The following FOCAD variants were observed in gnomAD, a reference collection of about 807,000 sequenced individuals.
The protein encoded by FOCAD is KIAA1797.
A neutral mutation model predicts 225.6 loss-of-function variants in FOCAD; 198 were observed. The ratio of observed to expected loss-of-function variants is 0.88; its 90% CI spans 0.78 to 0.99. The LOEUF is 0.99. FOCAD is among the 50% of genes least tolerant of loss of function. FOCAD has a pLI of 0.00. For synonymous variants in FOCAD, 897 were observed against 755.0 expected (o/e 1.19, Z -3.08); for missense variants, 2,713 against 2,123.6 (o/e 1.28, Z -5.46).
At chr9:20,855,211 T>C (rs1828046703) in intron 15 of FOCAD, among the ~76,000 whole-genome samples, 1 of 151,630 alleles carries the variant, frequency 6.6e-6, no homozygotes, top group Non-Finnish European at 1.5e-5. Flanking sequence ...GTATAAGAAA[T>C]AGTGGTTTAA....
intron 28 of FOCAD, among the ~76,000 whole-genome samples, chr9:20,934,814 T>C (rs1000297024): frequency 6.6e-6 from 1 of 152,058 alleles, no homozygotes; most frequent in Admixed American, 6.6e-5. Flanking sequence ...CTCTTCTATA[T>C]ACCAACAGTG....
upstream of FOCAD, chr9:20,683,173 A>G (rs1822457114): frequency 6.6e-6 from 1 of 152,216 alleles, no homozygotes; most frequent in African/African-American, 2.4e-5. Context: ...ATGGGGAACC[A>G]AATTCTTCCT....
intron 22 of FOCAD, among the ~76,000 whole-genome samples, chr9:20,910,240 G>T (rs1337193224): frequency 2.0e-5 from 3 of 152,072 alleles, no homozygotes; most frequent in Non-Finnish European, 4.4e-5. Context: ...GGAGCCGTCT[G>T]CAGTCTTTAT....
chr9:20,921,817 C>T (rs1380277713), intron 24 of FOCAD, among the ~76,000 whole-genome samples: 4 of 151,946 alleles, frequency 2.6e-5, no homozygotes, highest in East Asian at 1.9e-4. Context: ...GTTTTAAAAC[C>T]GAGGCTAATT....
At chr9:20,745,266 C>T (rs1017342102) in intron 5 of FOCAD, among the ~76,000 whole-genome samples, 4 of 152,016 alleles carry the variant, frequency 2.6e-5, no homozygotes, top group African/African-American at 9.7e-5. Flanking sequence ...CGACACTACG[C>T]CCTGCTAATT....
intron 11 of FOCAD, among the ~76,000 whole-genome samples, chr9:20,798,105 C>G (rs941184092): frequency 6.6e-6 from 1 of 152,130 alleles, no homozygotes; most frequent in African/African-American, 2.4e-5. Context: ...TTGAGATAAT[C>G]ATGTGGTTTT....
At chr9:20,760,490 G>T (rs1360966927) in intron 6 of FOCAD, among the ~76,000 whole-genome samples, 1 of 152,172 alleles carries the variant, frequency 6.6e-6, no homozygotes, top group Non-Finnish European at 1.5e-5. Context: ...CTTGCCTTGT[G>T]TTCCACACAG....
intron 18 of FOCAD, among the ~76,000 whole-genome samples, chr9:20,867,819 G>T (rs1171781694): frequency 1.3e-5 from 2 of 151,994 alleles, no homozygotes; most frequent in Non-Finnish European, 2.9e-5. Context: ...AAGAAGGTTT[G>T]GTGTGAATTC....
intron 15 of FOCAD, among the ~76,000 whole-genome samples, chr9:20,851,158 A>G: frequency 6.6e-6 from 1 of 151,482 alleles, no homozygotes; most frequent in Non-Finnish European, 1.5e-5. Flanking sequence ...TTGTAGGAAT[A>G]ATTTCAAAAG....
chr9:20,748,004 G>A (rs17832135), intron 5 of FOCAD, among the ~76,000 whole-genome samples: 26,314 of 151,482 alleles, frequency 0.17, 2,780 homozygotes, highest in Non-Finnish European at 0.23. Context: ...AAAAATCGAC[G>A]ATCAGCTATT....
chr9:20,951,845 C>T (rs890219540), intron 34 of FOCAD, among the ~76,000 whole-genome samples: 1 of 152,150 alleles, frequency 6.6e-6, no homozygotes, highest in Non-Finnish European at 1.5e-5. Flanking sequence ...CTATCTTGGA[C>T]CCAGGCCAGA....
chr9:20,730,699 G>A (rs1026442344), intron 4 of FOCAD, among the ~76,000 whole-genome samples: 13 of 152,072 alleles, frequency 8.5e-5, no homozygotes, highest in African/African-American at 2.7e-4. Context: ...TCTTGCCCCG[G>A]TCTTAATATT....
chr9:20,920,137 C>G (rs1012726112), intron 24 of FOCAD, among the ~76,000 whole-genome samples: 4 of 152,198 alleles, frequency 2.6e-5, no homozygotes, highest in Non-Finnish European at 5.9e-5. Context: ...ACAACCCCAT[C>G]AACAAGTGGG....
chr9:20,882,234 T>C (rs1404502151), intron 20 of FOCAD, among the ~76,000 whole-genome samples, 178 bp downstream of exon 20: 2 of 152,026 alleles, frequency 1.3e-5, no homozygotes, highest in South Asian at 2.1e-4. Flanking sequence ...CAAAGACAAA[T>C]AGATGGATTT....
chr9:20,863,945 A>AT (rs1308915295), intron 16 of FOCAD, among the ~76,000 whole-genome samples: 5 of 151,396 alleles, frequency 3.3e-5, no homozygotes, highest in South Asian at 2.1e-4. Flanking sequence ...TTTGGACCAG[A>AT]TTTTTTTTTC....
chr9:20,862,555 G>T, intron 15 of FOCAD, 23 bp from the exon 16 acceptor site: 1 of 1,610,458 alleles, frequency 6.2e-7, no homozygotes. Context: ...GTTAGGTGTT[G>T]ACCTTTTCTA....
In FOCAD at chr9:20,813,717, C is replaced by T. The variant is rs537520476; in HGVS notation, c.1456-6079C>T. On this transcript the variant is annotated intron_variant, in intron 11 of 43. Coordinates refer to ENST00000338382, the MANE Select transcript of FOCAD (RefSeq NM_001375567.1). ...AACATGCTGTTGCTGTTGGGTAGAA[C>T]GTTCTATGTGAGTTTGTTAGGACCA... Among the ~76,000 whole-genome samples, 23 of 152,172 alleles carry T rather than the reference C, an allele frequency of 1.5e-4. 1 individual carries two copies. In the South Asian group the frequency reaches 4.1e-3, roughly 27 times the overall value.
intron 27 of FOCAD, 60 bp from the exon 28 acceptor site, chr9:20,932,954 G>A: frequency 8.6e-7 from 1 of 1,159,216 alleles, no homozygotes; most frequent in Non-Finnish European, 1.3e-6. Context: ...ATTGTATTCA[G>A]TATTTTGGAT....
chr9:20,842,539 C>T (rs559363993), intron 15 of FOCAD, among the ~76,000 whole-genome samples: 3 of 151,934 alleles, frequency 2.0e-5, no homozygotes, highest in South Asian at 2.1e-4. Flanking sequence ...TTTGTCATTG[C>T]TCCTGCTCTT....
Sources: allele counts gnomAD v4.1 joint callset (sites outside exome capture counted in the v4.1 genomes callset), GRCh38; gene constraint gnomAD v4.1.1; transcripts MANE v1.5; gene names NCBI Gene and HGNC (gene_info 2026-07-23, HGNC 2026-07-21).